Variants in CDH8 observed in about 807,000 individuals in gnomAD.
CDH8 encodes cadherin-8.
In CDH8, 17 loss-of-function variants were observed where a neutral mutation model predicts 68.1. The ratio of observed to expected loss-of-function variants is 0.25; its 90% confidence interval spans 0.17 to 0.37. The LOEUF (loss-of-function observed/expected upper bound fraction) is 0.37, where lower values mean the gene tolerates loss of function less well. Among genes scored for constraint, CDH8 ranks in the 10% least tolerant of loss-of-function variants. CDH8 has a pLI of 1.00. For synonymous variants in CDH8, 372 were observed against 365.1 expected, an observed-to-expected ratio of 1.02 and a Z score of -0.21; for missense variants, 763 against 999.3, an observed-to-expected ratio of 0.76 and a Z score of 3.19.
chr16:61,719,840 A>G (rs755544517), intron 9 of CDH8, among the ~76,000 whole-genome samples: 4 of 151,040 alleles, frequency 2.6e-5, no homozygotes, highest in Non-Finnish European at 5.9e-5. Flanking sequence ...GAAAGATTTT[A>G]TAGTCAACTA....
intron 8 of CDH8, among the ~76,000 whole-genome samples, chr16:61,745,394 G>A (rs561981445): frequency 6.6e-6 from 1 of 151,860 alleles, no homozygotes; most frequent in East Asian, 1.9e-4. Flanking sequence ...ATATCTTGAT[G>A]TCTTCTATCA....
chr16:62,002,820 G>A (rs956125424), intron 2 of CDH8, among the ~76,000 whole-genome samples: 4 of 152,260 alleles, frequency 2.6e-5, no homozygotes, highest in South Asian at 2.1e-4. Flanking sequence ...TTGGGAGGCC[G>A]AGGTGGGCGG....
chr16:61,714,552 A>C (rs1167249020), intron 9 of CDH8, among the ~76,000 whole-genome samples: 1 of 151,582 alleles, frequency 6.6e-6, no homozygotes, highest in Non-Finnish European at 1.5e-5. Context: ...GAGATGAATA[A>C]ATTATAGGGA....
chr16:61,648,011 A>G lies in CDH8; in HGVS notation c.*5597T>C. On this transcript the variant is annotated 3_prime_UTR_variant, in exon 12 of 12. Transcript: ENST00000577390. ...CTCAAGTTGGGGAAATAGTACCCAA[A>G]GGCACTATTTTCACCAGCAAATGCC... is the stretch of plus-strand genomic sequence containing the variant. The G allele has an allele frequency of 1.7e-6, 1 of 597,528 alleles. No homozygotes were observed. Among genetic ancestry groups the G allele is most frequent in the Non-Finnish European group, 3.0e-6 (1 of 335,200 alleles). 37.0% of individuals were successfully genotyped at this position (597,528 alleles called of 1,614,324 possible). A position where few individuals can be genotyped will look rare whatever the true frequency, so the allele number is the denominator to read the frequency against.
At chr16:61,765,773 G>A (rs981955024) in intron 8 of CDH8, among the ~76,000 whole-genome samples, 13 of 151,844 alleles carry the variant, frequency 8.6e-5, no homozygotes, top group South Asian at 2.1e-4. Flanking sequence ...GGCTGATTCC[G>A]TGGTAGAAGA....
chr16:61,917,821 T>A (rs1964268560), intron 2 of CDH8, among the ~76,000 whole-genome samples: 1 of 152,062 alleles, frequency 6.6e-6, no homozygotes, highest in South Asian at 2.1e-4. Flanking sequence ...CTTCCCTACA[T>A]CTACAGGAAC....
chr16:61,919,357 A>G (rs1484158556), intron 2 of CDH8, among the ~76,000 whole-genome samples: 1 of 148,234 alleles, frequency 6.7e-6, no homozygotes, highest in Non-Finnish European at 1.5e-5. Flanking sequence ...TCAGACGATC[A>G]AATTACTCCA....
intron 2 of CDH8, among the ~76,000 whole-genome samples, chr16:62,014,587 G>A (rs183391677): frequency 5.9e-4 from 90 of 152,240 alleles, no homozygotes; most frequent in African/African-American, 2.0e-3. Context: ...CTCACCCGTC[G>A]CAGACACCGT....
At chr16:61,680,092 C>T (rs896545891) in intron 10 of CDH8, among the ~76,000 whole-genome samples, 1 of 151,850 alleles carries the variant, frequency 6.6e-6, no homozygotes, top group Non-Finnish European at 1.5e-5. Context: ...AATAATAGTC[C>T]ATCAACCATA....
At chr16:61,676,591 T>C (rs754872821) in intron 10 of CDH8, among the ~76,000 whole-genome samples, 3 of 152,064 alleles carry the variant, frequency 2.0e-5, no homozygotes, top group Non-Finnish European at 2.9e-5. Context: ...CAGCAAACTA[T>C]GAATAGAAGG....
chr16:61,801,153 TG>T (rs1168926662), intron 7 of CDH8, among the ~76,000 whole-genome samples: 1 of 152,200 alleles, frequency 6.6e-6, no homozygotes, highest in East Asian at 1.9e-4. Context: ...TTTCTTTTTT[TG>T]TTTCTCTCTC....
At chr16:62,012,087 T>A (rs958135518) in intron 2 of CDH8, among the ~76,000 whole-genome samples, 3 of 152,232 alleles carry the variant, frequency 2.0e-5, no homozygotes, top group African/African-American at 4.8e-5. Context: ...AATGCTGAAC[T>A]ATTTTTAAAA....
At chr16:61,676,455 C>T (rs1963913561) in intron 10 of CDH8, among the ~76,000 whole-genome samples, 1 of 151,850 alleles carries the variant, frequency 6.6e-6, no homozygotes, top group South Asian at 2.1e-4. Flanking sequence ...GATAGGAACA[C>T]AAGTTTGTTT....
chr16:62,020,127 G>T (rs1358682606), intron 2 of CDH8, among the ~76,000 whole-genome samples: 1 of 152,192 alleles, frequency 6.6e-6, no homozygotes, highest in Non-Finnish European at 1.5e-5. Context: ...AAGCAGTAAT[G>T]CAATCAGAAG....
intron 8 of CDH8, among the ~76,000 whole-genome samples, chr16:61,734,480 C>T (rs769197884): frequency 6.6e-6 from 1 of 152,074 alleles, no homozygotes; most frequent in Non-Finnish European, 1.5e-5. Flanking sequence ...TTTGTATTTT[C>T]GTGGCACTTC....
At chr16:61,681,861 A>T (rs909154957) in intron 10 of CDH8, among the ~76,000 whole-genome samples, 13 of 151,896 alleles carry the variant, frequency 8.6e-5, no homozygotes, top group African/African-American at 2.9e-4. Context: ...ACTGTGCACG[A>T]GTTGAATGCT....
At chr16:61,918,409 T>G (rs1964285332) in intron 2 of CDH8, 1 of 154,878 alleles carries the variant, frequency 6.5e-6, no homozygotes, top group Admixed American at 6.5e-5. Context: ...GGTACCCGGT[T>G]CATCTCACTA....
intron 10 of CDH8, among the ~76,000 whole-genome samples, chr16:61,660,915 A>G (rs964469567): frequency 6.6e-6 from 1 of 152,072 alleles, no homozygotes. Context: ...TTACTAAGAA[A>G]TACTAAAGGA....
intron 2 of CDH8, among the ~76,000 whole-genome samples, chr16:61,965,071 T>G (rs1021228156): frequency 6.6e-6 from 1 of 152,132 alleles, no homozygotes; most frequent in Non-Finnish European, 1.5e-5. Context: ...TTCTCCCACA[T>G]CTGTTCATCC....
Sources: allele counts gnomAD v4.1 joint callset (sites outside exome capture counted in the v4.1 genomes callset), GRCh38; gene constraint gnomAD v4.1.1; transcripts MANE v1.5; gene names NCBI Gene and HGNC (gene_info 2026-07-23, HGNC 2026-07-21).